The following PLIN2 variants were observed in gnomAD, a reference collection of about 807,000 sequenced individuals.
The protein encoded by PLIN2 is perilipin 2.
In PLIN2, 33 loss-of-function variants were observed where a neutral mutation model predicts 30.6. That is an observed-to-expected ratio of 1.08 (90% CI 0.82 to 1.44). The LOEUF is 1.44. Among genes scored for constraint, PLIN2 ranks in the 40% most tolerant of loss-of-function variants. PLIN2 has a pLI of 0.00. For synonymous variants in PLIN2, 205 were observed against 201.1 expected, an observed-to-expected ratio of 1.02 and a Z score of -0.16; for missense variants, 610 against 531.8, an observed-to-expected ratio of 1.15 and a Z score of -1.45.
intron 6 of PLIN2, among the ~76,000 whole-genome samples, chr9:19,118,728 AT>A (rs1209495375): frequency 2.6e-5 from 4 of 152,028 alleles, no homozygotes; most frequent in African/African-American, 4.8e-5. Context: ...ACTACAAAAA[AT>A]TTTTTTTGAG....
At chr9:19,118,580 A>C (rs1818267102) in intron 6 of PLIN2, 125 bp from the exon 7 acceptor site, 1 of 741,908 alleles carries the variant, frequency 1.3e-6, no homozygotes, top group South Asian at 2.0e-5. Context: ...AATAAGATCT[A>C]TTCCTGCTAT....
downstream of PLIN2, among the ~76,000 whole-genome samples, chr9:19,115,047 C>T (rs1818201902): frequency 6.6e-6 from 1 of 152,096 alleles, no homozygotes; most frequent in Non-Finnish European, 1.5e-5. Context: ...AAGAAATGCC[C>T]AATGCCTTTA....
intron 4 of PLIN2, 91 bp from the exon 5 acceptor site, chr9:19,121,256 G>T: frequency 8.8e-7 from 1 of 1,139,498 alleles, no homozygotes; most frequent in Non-Finnish European, 1.3e-6. Flanking sequence ...CAGCTGAAGA[G>T]TTAAAGAAGG....
intron 3 of PLIN2, 29 bp downstream of exon 3, chr9:19,126,085 G>C: frequency 1.2e-6 from 2 of 1,601,204 alleles, no homozygotes; most frequent in Non-Finnish European, 1.7e-6. Context: ...CCAGTCCCTT[G>C]ACTTGCATCT....
intron 6 of PLIN2, 77 bp from the exon 7 acceptor site, chr9:19,118,532 A>T: frequency 7.5e-7 from 1 of 1,337,316 alleles, no homozygotes; most frequent in Non-Finnish European, 1.0e-6. Context: ...GTATGATGTA[A>T]ATCAGGCAAC....
downstream of PLIN2, among the ~76,000 whole-genome samples, chr9:19,113,811 G>C (rs961800729): frequency 6.9e-6 from 1 of 145,932 alleles, no homozygotes; most frequent in African/African-American, 2.5e-5. Flanking sequence ...TCGCCCTGTC[G>C]CTGGACAGGC....
Position 19,125,193 on chromosome 9 carries a change from C to T in PLIN2, c.226+921G>A, listed in dbSNP as rs529268204. On this transcript the variant is annotated intron_variant, in intron 3 of 7. Coordinates refer to ENST00000276914, the MANE Select transcript of PLIN2 (RefSeq NM_001122.4). ...ATTTCACCATTTCAACCATTTTTAA[C>T]TGTGCAATTCAGTGGCATTAAGTCC... is the stretch of plus-strand genomic sequence containing the variant. Among the ~76,000 whole-genome samples the T allele has an allele frequency of 1.4e-4, 21 of 152,294 alleles. No homozygotes were observed. In the East Asian group the frequency reaches 4.1e-3, roughly 29 times the overall value.
chr9:19,126,524 G>A, intron 1 of PLIN2, 76 bp from the exon 2 acceptor site: 1 of 942,036 alleles, frequency 1.1e-6, no homozygotes, highest in Non-Finnish European at 1.7e-6. Context: ...AGCAAATGCT[G>A]ATTACAAGTA....
intron 7 of PLIN2, among the ~76,000 whole-genome samples, chr9:19,117,914 G>A (rs957747048): frequency 7.2e-5 from 11 of 152,164 alleles, no homozygotes; most frequent in African/African-American, 2.7e-4. Context: ...ATCGCGCCCA[G>A]CCAATAGTAC....
chr9:19,113,034 G>A (rs1008735530), downstream of PLIN2, among the ~76,000 whole-genome samples: 2 of 151,840 alleles, frequency 1.3e-5, no homozygotes, highest in Non-Finnish European at 2.9e-5. Context: ...ACACAAAGGT[G>A]TATGTTCAGG....
chr9:19,122,411 C>T (rs1026796474), intron 4 of PLIN2, among the ~76,000 whole-genome samples: 3 of 151,578 alleles, frequency 2.0e-5, no homozygotes, highest in Non-Finnish European at 4.4e-5. Flanking sequence ...TACACGAATA[C>T]TTATCATTGT....
In PLIN2 at chr9:19,126,577, T is replaced by C. The variant is rs1588649286; in HGVS notation, c.-22-129A>G. On this transcript the variant is annotated intron_variant, in intron 1 of 7. Transcript: ENST00000276914. Reference sequence around the variant, plus strand: ...AGCTCCCTGTAGTCTTCTGCACTTCTTTCCTCTCTCCAGCTCTCCAGGTCC... The same window carrying C: ...AGCTCCCTGTAGTCTTCTGCACTTCCTTCCTCTCTCCAGCTCTCCAGGTCC... 8 of 640,914 alleles carry C rather than the reference T, an allele frequency of 1.2e-5. No individual in the cohort carries two copies. In the East Asian group the frequency reaches 1.6e-4, roughly 13 times the overall value. The allele number at this position is 640,914 out of a possible 1,614,324, so 39.7% of individuals were successfully genotyped here. A position where few individuals can be genotyped will look rare whatever the true frequency, so the allele number is the denominator to read the frequency against.
chr9:19,123,623 C>G lies in PLIN2; in HGVS notation c.251G>C (p.Cys84Ser), dbSNP rs1219905492. Reference sequence around the variant, plus strand: ...CTCCTCAATCCTGTCTAGCCCCTTACAGGCATAGGTATTGGCAACTGCAAC... The same window carrying G: ...CTCCTCAATCCTGTCTAGCCCCTTAGAGGCATAGGTATTGGCAACTGCAAC... ...PQIAVANTYA[C>S]KGLDRIEERL... The change falls in exon 4 of 8, where the codon TGT becomes TCT. Residue 84 changes from cysteine (C) to serine (S), a missense_variant. Cys to Ser is a moderately radical substitution (Grantham distance 112, BLOSUM62 -1). Coordinates refer to ENST00000276914, the MANE Select transcript of PLIN2 (RefSeq NM_001122.4). 2 of 1,614,008 alleles carry G rather than the reference C, an allele frequency of 1.2e-6. No homozygotes were observed. The highest frequency in any genetic ancestry group is 1.7e-6 in the Non-Finnish European group (2 of 1,180,008).
At chr9:19,124,017 CA>C (rs60330286) in intron 3 of PLIN2, among the ~76,000 whole-genome samples, 53 of 121,886 alleles carry the variant, frequency 4.3e-4, no homozygotes, top group South Asian at 1.9e-3. Context: ...GACTCCATCT[CA>C]AAAAAAAAAA....
chr9:19,109,000 T>C (rs1007896595), intron 2 of PLIN2, among the ~76,000 whole-genome samples: 30 of 152,190 alleles, frequency 2.0e-4, no homozygotes, highest in African/African-American at 7.2e-4. Flanking sequence ...ATACCAGATA[T>C]AAAGCATTTT....
At chr9:19,109,461 G>A (rs187299728) in intron 2 of PLIN2, among the ~76,000 whole-genome samples, 17 of 151,100 alleles carry the variant, frequency 1.1e-4, no homozygotes, top group Non-Finnish European at 1.8e-4. Context: ...GGCTGAGGCA[G>A]GAGAATCACT....
chr9:19,109,663 CA>C (rs1239855186), intron 2 of PLIN2, among the ~76,000 whole-genome samples: 1 of 150,398 alleles, frequency 6.6e-6, no homozygotes, highest in African/African-American at 2.4e-5. Context: ...AAAGAGCTAA[CA>C]GCAACAAAAA....
chr9:19,121,019 G>T lies in PLIN2; in HGVS notation c.456C>A (p.Thr152=). 6.2e-7 allele frequency: 1 copy of T among 1,614,072 alleles called. No homozygotes were observed. The highest frequency in any genetic ancestry group is 8.5e-7 in the Non-Finnish European group (1 of 1,179,992). Residue 152 remains threonine (T), a synonymous_variant, in exon 5 of 8, where the codon ACC becomes ACA. Transcript: ENST00000276914. ...KGAVTGSVEK[T]KSVVSGSINT... ...TAATGCTGCCACTGACCACAGACTT[G>T]GTCTTCTCCACACTGCCAGTCACTG...
rs759915698 is a variant in PLIN2, at chr9:19,116,637, G to C, written c.925C>G (p.Arg309Gly). 6 of 1,610,878 alleles carry C rather than the reference G, an allele frequency of 3.7e-6. No individual in the cohort carries two copies. Among genetic ancestry groups the C allele is most frequent in the Admixed American group, 1.7e-5 (1 of 59,948 alleles). Residue 309 changes from arginine to glycine, a missense_variant, in exon 8 of 8, where the codon CGT (arginine) becomes GGT (glycine). Physicochemically the swap from Arg to Gly is moderately radical, Grantham distance 125. Coordinates refer to ENST00000276914, the MANE Select transcript of PLIN2 (RefSeq NM_001122.4). The part of the protein sequence containing the change: ...ESHCAEHIES[R>G]TLAIARNLTQ... ...AGGTTGCGGGCAATTGCAAGAGTACGTGACTCAATGTGCTAAAAATAAAAC... is the reference window on the plus strand; with the variant it reads ...AGGTTGCGGGCAATTGCAAGAGTACCTGACTCAATGTGCTAAAAATAAAAC...
Sources: allele counts gnomAD v4.1 joint callset (sites outside exome capture counted in the v4.1 genomes callset), GRCh38; gene constraint gnomAD v4.1.1; transcripts MANE v1.5; gene names NCBI Gene and HGNC (gene_info 2026-07-23, HGNC 2026-07-21).